The following SUGT1 variants were observed in gnomAD, a reference collection of about 807,000 sequenced individuals.
SUGT1 encodes the protein SGT1 assembly cochaperone of MIS12 kinetochore complex, also known as protein SGT1 homolog.
In SUGT1, 15 loss-of-function variants were observed where a neutral mutation model predicts 56.1. The observed-to-expected ratio is 0.27, with a 90% CI of 0.18 to 0.41. The LOEUF (loss-of-function observed/expected upper bound fraction) is 0.41, where lower values mean the gene tolerates loss of function less well. SUGT1 is among the 10% of genes least tolerant of loss of function. The pLI, the probability that SUGT1 is intolerant of heterozygous loss-of-function variation, is 1.00. For synonymous variants in SUGT1, 123 were observed against 128.6 expected (o/e 0.96, Z 0.30); for missense variants, 347 against 382.2 (o/e 0.91, Z 0.77).
chr13:52,655,081 C>T (rs1962096611), intron 2 of SUGT1, among the ~76,000 whole-genome samples: 1 of 152,230 alleles, frequency 6.6e-6, no homozygotes, highest in Non-Finnish European at 1.5e-5. Flanking sequence ...CGCGGTGGCT[C>T]ACGCCTATAG....
intron 10 of SUGT1, among the ~76,000 whole-genome samples, chr13:52,675,494 T>G (rs1413603421): frequency 6.6e-6 from 1 of 152,158 alleles, no homozygotes; most frequent in Non-Finnish European, 1.5e-5. Context: ...GGAGGATCAC[T>G]TGAGCCCAGG....
chr13:52,658,885 TAA>T (rs1444855956), intron 4 of SUGT1, among the ~76,000 whole-genome samples: 1 of 152,068 alleles, frequency 6.6e-6, no homozygotes. Context: ...TTTCTGTTGA[TAA>T]GTATAACTAT....
intron 10 of SUGT1, among the ~76,000 whole-genome samples, chr13:52,671,059 A>G (rs1962915887): frequency 6.6e-6 from 1 of 151,976 alleles, no homozygotes; most frequent in Admixed American, 6.6e-5. Context: ...ATAGAAGAAT[A>G]TATGTATGTT....
At chr13:52,665,434 G>A (rs1962655629) in intron 8 of SUGT1, among the ~76,000 whole-genome samples, 1 of 152,192 alleles carries the variant, frequency 6.6e-6, no homozygotes, top group Admixed American at 6.5e-5. Flanking sequence ...AAAGGTGTGA[G>A]CATCATTTAC....
rs1332206988 is a variant in SUGT1, at chr13:52,693,986, A to T, written c.*6151A>T. 1 of 152,204 alleles carries T rather than the reference A, an allele frequency of 6.6e-6. No individual in the cohort carries two copies. Among genetic ancestry groups the T allele is most frequent in the Non-Finnish European group, 1.5e-5 (1 of 68,034 alleles). 9.4% of individuals were successfully genotyped at this position (152,204 alleles called of 1,614,324 possible). ...GTTTATAAATTAGGCACAGTAAGAT[A>T]TTAATAATAGAATATACAATATACC... On this transcript the variant is annotated 3_prime_UTR_variant, in exon 13 of 13. Transcript: ENST00000310528.
At chr13:52,686,861 C>A (rs1386646152) in intron 12 of SUGT1, among the ~76,000 whole-genome samples, 1 of 151,776 alleles carries the variant, frequency 6.6e-6, no homozygotes, top group Non-Finnish European at 1.5e-5. Flanking sequence ...ACCTGAGGGT[C>A]GGGAGTTCGA....
rs573101672 is a variant in SUGT1 at position 52,666,983 on chromosome 13, A to G, written c.627+64A>G. The G allele has an allele frequency of 4.5e-5, 48 of 1,077,126 alleles. No homozygotes were observed. In the South Asian group the frequency reaches 6.1e-4, roughly 14 times the overall value. 66.7% of individuals were successfully genotyped at this position (1,077,126 alleles called of 1,614,324 possible). A position where few individuals can be genotyped will look rare whatever the true frequency, so the allele number is the denominator to read the frequency against. Reference sequence around the variant, plus strand: ...AAAATTATAGAAATACTGGTGAACTAATCACCCATGTGTTTATAAGCTTGT... The same window carrying G: ...AAAATTATAGAAATACTGGTGAACTGATCACCCATGTGTTTATAAGCTTGT... On this transcript the variant is annotated intron_variant, in intron 10 of 12. Coordinates refer to ENST00000310528, the MANE Select transcript of SUGT1 (RefSeq NM_006704.5).
intron 12 of SUGT1, chr13:52,687,098 G>C (rs918161441): frequency 9.0e-5 from 9 of 100,430 alleles, no homozygotes; most frequent in African/African-American, 3.0e-4. Context: ...AAAAAGAAAT[G>C]TCCAGATGGT....
At chr13:52,675,745 A>C (rs1212942256) in intron 10 of SUGT1, among the ~76,000 whole-genome samples, 1 of 152,232 alleles carries the variant, frequency 6.6e-6, no homozygotes, top group Non-Finnish European at 1.5e-5. Flanking sequence ...TGCACATGTA[A>C]ATGCAGTAAT....
At chr13:52,678,651 G>T (rs1963246249) in intron 11 of SUGT1, among the ~76,000 whole-genome samples, 1 of 148,808 alleles carries the variant, frequency 6.7e-6, no homozygotes. Flanking sequence ...ATGAAAAAAA[G>T]AATATAAAAT....
At chr13:52,678,388 G>T (rs571523517) in intron 11 of SUGT1, among the ~76,000 whole-genome samples, 1 of 152,156 alleles carries the variant, frequency 6.6e-6, no homozygotes, top group Non-Finnish European at 1.5e-5. Context: ...AAAAACAGTG[G>T]ATGTTAGTTT....
chr13:52,670,859 TG>T (rs1962909049), intron 10 of SUGT1, among the ~76,000 whole-genome samples: 1 of 152,172 alleles, frequency 6.6e-6, no homozygotes, highest in African/African-American at 2.4e-5. Flanking sequence ...GGGGTGAATT[TG>T]CCCTTGTGGA....
In SUGT1 at chr13:52,668,578, T is replaced by C. The variant is rs1308131481; in HGVS notation, c.627+1659T>C. ...TTTTTGAAATAGCTGCTTGGGACAA[T>C]AGAAAGTGAGGAAAGGGATGAAATC... On this transcript the variant is annotated intron_variant, in intron 10 of 12. Transcript: ENST00000310528. 2.0e-5 allele frequency among the ~76,000 whole-genome samples: 3 copies of C among 152,186 alleles called. No homozygotes were observed. In the East Asian group the frequency reaches 5.8e-4, roughly 29 times the overall value.
chr13:52,698,162 A>G lies in SUGT1; in HGVS notation c.*10327A>G, dbSNP rs898846851. ...AATCAGATCAACAGAGCATGTTTTT[A>G]TGGGCCATCTGACAAGACTAGAGGT... On this transcript the variant is annotated 3_prime_UTR_variant, in exon 13 of 13. Coordinates refer to ENST00000310528, the MANE Select transcript of SUGT1 (RefSeq NM_006704.5). 3.3e-5 allele frequency: 5 copies of G among 152,184 alleles called. No homozygotes were observed. The highest frequency in any genetic ancestry group is 1.2e-4 in the African/African-American group (5 of 41,446). The allele number at this position is 152,184 out of a possible 1,614,324, so 9.4% of individuals were successfully genotyped here. A position where few individuals can be genotyped will look rare whatever the true frequency, so the allele number is the denominator to read the frequency against.
At chr13:52,680,878 G>C (rs9568750) in intron 12 of SUGT1, among the ~76,000 whole-genome samples, 86,315 of 152,034 alleles carry the variant, frequency 0.57, 24,659 homozygotes, top group East Asian at 0.75. Context: ...GTCTCACTCT[G>C]TTGCCCAGGC....
In SUGT1 at chr13:52,698,741, G is replaced by A. The variant is rs1239230370; in HGVS notation, c.*10906G>A. The stretch of plus-strand genomic sequence containing the variant: ...GTGAGCCACCATGCTTAGCTGATTT[G>A]CCCTAATCCTCTGCTGACATTCTGA... On this transcript the variant is annotated 3_prime_UTR_variant, in exon 13 of 13. Transcript: ENST00000310528. 3 of 152,126 alleles carry A rather than the reference G, an allele frequency of 2.0e-5. No individual in the cohort carries two copies. Among genetic ancestry groups the A allele is most frequent in the Non-Finnish European group, 4.4e-5 (3 of 68,062 alleles). 9.4% of individuals were successfully genotyped at this position (152,126 alleles called of 1,614,324 possible).
At chr13:52,657,752 T>G in intron 3 of SUGT1, 130 bp downstream of exon 3, 1 of 764,762 alleles carries the variant, frequency 1.3e-6, no homozygotes, top group Non-Finnish European at 2.1e-6. Context: ...AGCTCAAATG[T>G]GACAGACATG....
intron 10 of SUGT1, 21 bp downstream of exon 10, chr13:52,666,940 G>A (rs1962731144): frequency 6.5e-7 from 1 of 1,528,778 alleles, no homozygotes; most frequent in Admixed American, 1.8e-5. Flanking sequence ...TGAAAAGTTT[G>A]TTACTAGTAA....
intron 2 of SUGT1, among the ~76,000 whole-genome samples, chr13:52,657,168 A>G (rs1201125372): frequency 6.6e-6 from 1 of 152,188 alleles, no homozygotes; most frequent in Non-Finnish European, 1.5e-5. Context: ...CTCAAATTCT[A>G]TATGGTGTTT....
Sources: gnomAD v4.1 joint callset for allele counts (sites outside exome capture counted in the v4.1 genomes callset) on GRCh38, gnomAD v4.1.1 for gene constraint, MANE v1.5 for transcripts, NCBI Gene and HGNC (gene_info 2026-07-23, HGNC 2026-07-21) for gene names.